Variants in SH3PXD2A observed in about 807,000 individuals in gnomAD.
SH3PXD2A encodes SH3 and PX domain-containing protein 2A.
In SH3PXD2A, 32 loss-of-function variants were observed where a neutral mutation model predicts 115.2. The observed-to-expected ratio is 0.28, with a 90% confidence interval of 0.21 to 0.37. The LOEUF is 0.37. SH3PXD2A is among the 10% of genes least tolerant of loss of function. The pLI, the probability that SH3PXD2A is intolerant of heterozygous loss-of-function variation, is 1.00. For missense variants in SH3PXD2A, 1,328 were observed against 1,498.7 expected (o/e 0.89, Z 1.88); for synonymous variants, 610 against 629.1 (o/e 0.97, Z 0.45).
intron 4 of SH3PXD2A, among the ~76,000 whole-genome samples, chr10:103,728,888 TGTTTG>T (rs1564874636): frequency 8.3e-5 from 11 of 133,104 alleles, no homozygotes; most frequent in African/African-American, 3.5e-4. Flanking sequence ...TTTTTTTGTT[TGTTTG>T]TTTGTTTTTT....
chr10:103,821,572 A>G (rs187875791), intron 1 of SH3PXD2A, among the ~76,000 whole-genome samples: 1 of 147,220 alleles, frequency 6.8e-6, no homozygotes, highest in Non-Finnish European at 1.5e-5. Flanking sequence ...TTATTATTTG[A>G]GGCAGGGTCT....
intron 2 of SH3PXD2A, among the ~76,000 whole-genome samples, chr10:103,783,429 G>A (rs1487936158): frequency 3.0e-5 from 4 of 131,330 alleles, no homozygotes; most frequent in Non-Finnish European, 5.0e-5. Flanking sequence ...CAGAGGAAGA[G>A]GGCAGATCCG....
At chr10:103,820,309 T>C (rs892791274) in intron 1 of SH3PXD2A, among the ~76,000 whole-genome samples, 7 of 152,066 alleles carry the variant, frequency 4.6e-5, no homozygotes, top group Non-Finnish European at 1.5e-5. Flanking sequence ...CCCTCCTCTC[T>C]GCCACAGCCA....
At chr10:103,608,722 C>T (rs1206688155) in intron 13 of SH3PXD2A, 1 of 152,016 alleles carries the variant, frequency 6.6e-6, no homozygotes, top group East Asian at 1.9e-4. Context: ...CCTGCCTCAG[C>T]CTCCCAAAGT....
At position 103,613,191 on chromosome 10, in the gene SH3PXD2A, C is replaced by CTT; in HGVS notation, c.921-2_921-1insAA. 6.3e-7 allele frequency: 1 copy of CTT among 1,590,072 alleles called. No homozygotes were observed. The highest frequency in any genetic ancestry group is 8.5e-7 in the Non-Finnish European group (1 of 1,169,862). On this transcript the variant is annotated splice_acceptor_variant, in intron 11 of 14. Transcript: ENST00000369774. LOFTEE classifies it high-confidence loss of function. Reference sequence around the variant, plus strand: ...CGCCCAGCCCTCTTTGCCCAGGTATCTGTGGGGAGGAGCAGGATGTGCTAT... The same window carrying CTT: ...CGCCCAGCCCTCTTTGCCCAGGTATCTTTGTGGGGAGGAGCAGGATGTGCTAT...
rs1377104646 is a variant in SH3PXD2A, at chr10:103,665,770, G to A, written c.472+2838C>T. ...AAGGCCTGCAGAACTAGGGGCTGGA[G>A]GAGTCTGCCTGAGTGGGGAGGGGGC... is the stretch of plus-strand genomic sequence containing the variant. On this transcript the variant is annotated intron_variant, in intron 7 of 14. Coordinates refer to ENST00000369774, the MANE Select transcript of SH3PXD2A (RefSeq NM_001394015.1). The surrounding 1 kb of genome is among the most constrained non-coding windows in gnomAD (Gnocchi z 4.0). Among the ~76,000 whole-genome samples the A allele has an allele frequency of 1.3e-5, 2 of 152,240 alleles. No individual in the cohort carries two copies. The highest frequency in any genetic ancestry group is 4.8e-5 in the African/African-American group (2 of 41,462).
rs754468464 is a variant in SH3PXD2A at position 103,668,665 on chromosome 10, C to A, written c.428-13G>T. 1.3e-6 allele frequency: 2 copies of A among 1,556,194 alleles called. No homozygotes were observed. The highest frequency in any genetic ancestry group is 1.7e-6 in the Non-Finnish European group (2 of 1,150,908). ...CTGGACAGCCACACTTCCGAGTCCC[C>A]GAGAGCAAGCGGCAGCAGGAGAGGA... is the stretch of plus-strand genomic sequence containing the variant. On this transcript the variant is annotated splice_polypyrimidine_tract_variant and intron_variant, in intron 6 of 14. Transcript: ENST00000369774.
At chr10:103,816,036 A>G (rs772171288) in intron 1 of SH3PXD2A, among the ~76,000 whole-genome samples, 3 of 152,172 alleles carry the variant, frequency 2.0e-5, no homozygotes, top group Non-Finnish European at 4.4e-5. Flanking sequence ...AAGGATACAA[A>G]TTTCCAGTAT....
chr10:103,786,002 G>A (rs993138931), intron 2 of SH3PXD2A, among the ~76,000 whole-genome samples: 1 of 151,936 alleles, frequency 6.6e-6, no homozygotes, highest in Non-Finnish European at 1.5e-5. Context: ...GACAGACAGA[G>A]AGAAATAGAG....
At chr10:103,787,054 G>T (rs2038987763) in intron 2 of SH3PXD2A, among the ~76,000 whole-genome samples, 1 of 152,210 alleles carries the variant, frequency 6.6e-6, no homozygotes, top group African/African-American at 2.4e-5. Context: ...GCACTCCACA[G>T]TTCTGTCCAG....
chr10:103,855,093 G>T, intron 1 of SH3PXD2A, 102 bp downstream of exon 1: 3 of 698,800 alleles, frequency 4.3e-6, no homozygotes, highest in Non-Finnish European at 6.7e-6. Context: ...CCCAGTGGGC[G>T]CTTAGCTTCG....
chr10:103,718,714 A>G (rs1028049818), intron 5 of SH3PXD2A, among the ~76,000 whole-genome samples: 2 of 145,660 alleles, frequency 1.4e-5, no homozygotes, highest in African/African-American at 2.6e-5. Context: ...CAATAAGGCA[A>G]ACACTCTTCC....
intron 6 of SH3PXD2A, among the ~76,000 whole-genome samples, chr10:103,674,686 G>T (rs1028854402): frequency 2.0e-5 from 3 of 152,098 alleles, no homozygotes; most frequent in Non-Finnish European, 4.4e-5. Context: ...CAGGCGTGGT[G>T]GTGTATGCCT....
rs549751071 is a variant in SH3PXD2A, at chr10:103,740,423, A to G, written c.230-4615T>C. Among the ~76,000 whole-genome samples the G allele has an allele frequency of 1.4e-3, 209 of 152,150 alleles. 1 individual carries two copies. Among genetic ancestry groups the G allele is most frequent in the African/African-American group, 4.8e-3 (198 of 41,502 alleles). ...GAGATGAGAACAGTTAAACCCCCAAACCAACCACAGCCTCCAGGGCTCTTC... is the reference window on the plus strand; with the variant it reads ...GAGATGAGAACAGTTAAACCCCCAAGCCAACCACAGCCTCCAGGGCTCTTC... On this transcript the variant is annotated intron_variant, in intron 3 of 14. Transcript: ENST00000369774.
chr10:103,820,563 A>T (rs2039368491), intron 1 of SH3PXD2A, among the ~76,000 whole-genome samples: 1 of 151,994 alleles, frequency 6.6e-6, no homozygotes, highest in South Asian at 2.1e-4. Context: ...TTCCCTGGGG[A>T]GGGCGGCCCC....
chr10:103,622,491 C>G lies in SH3PXD2A; in HGVS notation c.781G>C (p.Val261Leu). 4.5e-6 allele frequency: 7 copies of G among 1,550,106 alleles called. No individual in the cohort carries two copies. Among genetic ancestry groups the G allele is most frequent in the Non-Finnish European group, 6.1e-6 (7 of 1,146,770 alleles). Residue 261 changes from valine (V) to leucine (L), a missense_variant, in exon 10 of 15, where the codon GTC becomes CTC. Physicochemically the swap from Val to Leu is conservative, Grantham distance 32. Coordinates refer to ENST00000369774, the MANE Select transcript of SH3PXD2A (RefSeq NM_001394015.1). Reference protein sequence around the residue: ...LDRRWTLGGMVNRQHSREEKY... With the variant: ...LDRRWTLGGMLNRQHSREEKY... ...TCACCTCGGCTGTGCTGCCTGTTGA[C>G]CATCCCGCCCAGGGTCCACCGGCGA...
intron 4 of SH3PXD2A, among the ~76,000 whole-genome samples, chr10:103,726,982 T>C (rs1167780151): frequency 6.6e-6 from 1 of 152,136 alleles, no homozygotes; most frequent in Admixed American, 6.5e-5. Flanking sequence ...AAATTAACAT[T>C]AAATGAGCAG....
chr10:103,851,148 G>GAAAA (rs11357351), intron 1 of SH3PXD2A, among the ~76,000 whole-genome samples: 4 of 140,592 alleles, frequency 2.8e-5, no homozygotes, highest in Admixed American at 1.4e-4. Flanking sequence ...TAAGGGCTGA[G>GAAAA]AAAAAAAAAA....
At chr10:103,814,076 C>G (rs1013022881) in intron 1 of SH3PXD2A, among the ~76,000 whole-genome samples, 1 of 150,794 alleles carries the variant, frequency 6.6e-6, no homozygotes, top group African/African-American at 2.4e-5. Flanking sequence ...ATTTGTACTA[C>G]TAAGAGTCAG....
Sources: gnomAD v4.1 joint callset for allele counts (sites outside exome capture counted in the v4.1 genomes callset) on GRCh38, gnomAD v4.1.1 for gene constraint, Gnocchi (gnomAD v3.1) non-coding constraint, MANE v1.5 for transcripts, NCBI Gene and HGNC (gene_info 2026-07-23, HGNC 2026-07-21) for gene names.